Variants in OXSR1 observed in about 807,000 individuals in gnomAD.
The protein encoded by OXSR1 is oxidative stress responsive kinase 1.
A neutral mutation model predicts 79.8 loss-of-function variants in OXSR1; 24 were observed. The ratio of observed to expected loss-of-function variants is 0.30; its 90% confidence interval spans 0.22 to 0.42. The LOEUF is 0.42. OXSR1 is among the 10% of genes least tolerant of loss of function. The pLI is 1.00. For synonymous variants in OXSR1, 226 were observed against 209.2 expected, an observed-to-expected ratio of 1.08 and a Z score of -0.69; for missense variants, 430 against 618.4, an observed-to-expected ratio of 0.70 and a Z score of 3.23.
chr3:38,222,479 G>A (rs35245889), intron 6 of OXSR1, among the ~76,000 whole-genome samples: 69 of 152,246 alleles, frequency 4.5e-4, no homozygotes, highest in African/African-American at 1.6e-3. Context: ...GACATTATCT[G>A]CAAGAGCAGA....
At chr3:38,193,749 C>G (rs1000839211) in intron 3 of OXSR1, among the ~76,000 whole-genome samples, 1 of 151,198 alleles carries the variant, frequency 6.6e-6, no homozygotes, top group Non-Finnish European at 1.5e-5. Flanking sequence ...CTTAAGTTTT[C>G]TGGGACATTA....
upstream of OXSR1, among the ~76,000 whole-genome samples, chr3:38,164,861 C>A (rs1701400520): frequency 6.6e-6 from 1 of 151,930 alleles, no homozygotes; most frequent in Non-Finnish European, 1.5e-5. Context: ...AGAACGTCCG[C>A]CTTGAAAAAA....
chr3:38,178,487 G>T (rs1701715349), intron 1 of OXSR1, among the ~76,000 whole-genome samples: 1 of 151,194 alleles, frequency 6.6e-6, no homozygotes, highest in Non-Finnish European at 1.5e-5. Flanking sequence ...TCACCCAGGC[G>T]GAGTGTGGTG....
intron 4 of OXSR1, among the ~76,000 whole-genome samples, chr3:38,207,959 C>T (rs983790678): frequency 1.5e-5 from 2 of 137,220 alleles, no homozygotes; most frequent in African/African-American, 5.5e-5. Flanking sequence ...TTCCTTCCTT[C>T]CTTTCTTCCT....
chr3:38,181,036 T>G (rs1466043494), intron 1 of OXSR1, among the ~76,000 whole-genome samples: 1 of 152,168 alleles, frequency 6.6e-6, no homozygotes, highest in Non-Finnish European at 1.5e-5. Flanking sequence ...AAGATGTACA[T>G]TTTTGGGAGG....
intron 11 of OXSR1, among the ~76,000 whole-genome samples, chr3:38,237,947 A>G (rs1037697925): frequency 6.6e-6 from 1 of 152,172 alleles, no homozygotes; most frequent in Non-Finnish European, 1.5e-5. Flanking sequence ...CTAAAGCTGC[A>G]TGAATTTTAT....
chr3:38,254,022 GT>G lies in OXSR1; in HGVS notation c.*1134del, dbSNP rs751523876. 2.5e-5 allele frequency: 10 copies of G among 395,306 alleles called. No homozygotes were observed. The highest frequency in any genetic ancestry group is 4.4e-5 in the Admixed American group (1 of 22,636). 24.5% of individuals were successfully genotyped at this position (395,306 alleles called of 1,614,324 possible). On this transcript the variant is annotated 3_prime_UTR_variant, in exon 18 of 18. Coordinates refer to ENST00000311806, the MANE Select transcript of OXSR1 (RefSeq NM_005109.3). The stretch of plus-strand genomic sequence containing the variant: ...AGAAATAATATAAATTATTCTTTAG[GT>G]TTAAAAAAGAGCACTCATAATGCAA...
intron 12 of OXSR1, among the ~76,000 whole-genome samples, chr3:38,245,437 A>G (rs1257015283): frequency 6.6e-6 from 1 of 152,128 alleles, no homozygotes; most frequent in Non-Finnish European, 1.5e-5. Flanking sequence ...TGCATTTCAG[A>G]TATGTTAAGG....
intron 10 of OXSR1, among the ~76,000 whole-genome samples, chr3:38,231,511 T>A (rs1344840563): frequency 6.6e-6 from 1 of 152,116 alleles, no homozygotes; most frequent in African/African-American, 2.4e-5. Flanking sequence ...CAGAATAATA[T>A]TCTCTGATTA....
chr3:38,180,659 T>C (rs969879888), intron 1 of OXSR1, among the ~76,000 whole-genome samples: 3 of 151,402 alleles, frequency 2.0e-5, no homozygotes, highest in Admixed American at 2.0e-4. Context: ...GCCTCCCAAG[T>C]AGCTAGGACT....
At chr3:38,198,970 GT>G in intron 4 of OXSR1, 107 bp downstream of exon 4, 2 of 880,236 alleles carry the variant, frequency 2.3e-6, no homozygotes, top group Non-Finnish European at 3.5e-6. Context: ...TGTATCACTA[GT>G]TTTAGTACAC....
intron 3 of OXSR1, among the ~76,000 whole-genome samples, chr3:38,197,349 C>T (rs992095677): frequency 4.6e-5 from 7 of 152,214 alleles, no homozygotes; most frequent in Non-Finnish European, 8.8e-5. Flanking sequence ...GAGAATCTTA[C>T]TCTGTCTTAT....
chr3:38,164,233 C>A (rs1483650173), upstream of OXSR1, among the ~76,000 whole-genome samples: 1 of 152,088 alleles, frequency 6.6e-6, no homozygotes, highest in Admixed American at 6.6e-5. Flanking sequence ...GGCATGCTCT[C>A]GGGTCACTGC....
chr3:38,235,249 A>G (rs1702896655), intron 10 of OXSR1, among the ~76,000 whole-genome samples: 1 of 152,184 alleles, frequency 6.6e-6, no homozygotes, highest in East Asian at 1.9e-4. Context: ...TATGAATTAT[A>G]AGGGAGCTTT....
chr3:38,217,542 T>TG (rs60002339), intron 5 of OXSR1, among the ~76,000 whole-genome samples: 105 of 152,238 alleles, frequency 6.9e-4, no homozygotes, highest in African/African-American at 2.0e-3. Flanking sequence ...TTTGTTTGTT[T>TG]TTTTTGAGAC....
chr3:38,194,523 G>A (rs1702039214), intron 3 of OXSR1, among the ~76,000 whole-genome samples: 1 of 152,160 alleles, frequency 6.6e-6, no homozygotes, highest in Non-Finnish European at 1.5e-5. Flanking sequence ...GGGTGACAGA[G>A]TGAGACTCTG....
chr3:38,174,514 A>G (rs921264125), intron 1 of OXSR1, among the ~76,000 whole-genome samples: 8 of 152,144 alleles, frequency 5.3e-5, no homozygotes, highest in African/African-American at 1.9e-4. Flanking sequence ...CCCGAGTGAC[A>G]GAGGTTGCAG....
Position 38,246,190 on chromosome 3 carries a change from C to T in OXSR1, c.1226C>T (p.Pro409Leu). ...ACACAGCCAACTCAAGTCTCTCTCC[C>T]ACCCACCGCAGAGCCAGCAAAAACA... ...IATQPTQVSL[P>L]PTAEPAKTAQ... is the part of the protein sequence containing the mutation. The change falls in exon 13 of 18, where the codon CCA becomes CTA. Residue 409 changes from proline to leucine, a missense_variant. Transcript: ENST00000311806. 1 of 1,613,840 alleles carries T rather than the reference C, an allele frequency of 6.2e-7. No homozygotes were observed. Among genetic ancestry groups the T allele is most frequent in the Non-Finnish European group, 8.5e-7 (1 of 1,179,818 alleles).
At chr3:38,164,276 G>T (rs1424815924), upstream of OXSR1, among the ~76,000 whole-genome samples, 3 of 152,084 alleles carry the variant, frequency 2.0e-5, no homozygotes, top group Non-Finnish European at 4.4e-5. Flanking sequence ...CTCCCTAGTA[G>T]CTGGGATTAC....
Sources: allele counts gnomAD v4.1 joint callset (sites outside exome capture counted in the v4.1 genomes callset), GRCh38; gene constraint gnomAD v4.1.1; transcripts MANE v1.5; gene names NCBI Gene and HGNC (gene_info 2026-07-23, HGNC 2026-07-21).